RAB3GAP1: variants seen among roughly 807,000 people sequenced by gnomAD.
RAB3GAP1 encodes the protein RAB3 GTPase activating protein catalytic subunit 1.
In RAB3GAP1, 86 loss-of-function variants were observed where a neutral mutation model predicts 130.7. That is an observed-to-expected ratio of 0.66 (90% CI 0.55 to 0.79). The LOEUF is 0.79. Ranked by LOEUF, RAB3GAP1 falls within the 30% of genes least tolerant of loss-of-function variation. RAB3GAP1 has a pLI of 0.00. For missense variants in RAB3GAP1, 1,029 were observed against 1,169.4 expected, an observed-to-expected ratio of 0.88 and a Z score of 1.75; for synonymous variants, 367 against 401.7, an observed-to-expected ratio of 0.91 and a Z score of 1.03.
intron 8 of RAB3GAP1, among the ~76,000 whole-genome samples, chr2:135,123,281 C>T (rs1691255168): frequency 6.6e-6 from 1 of 152,118 alleles, no homozygotes; most frequent in Admixed American, 6.5e-5. Context: ...TTTACAAACT[C>T]ACTTGTAACA....
rs745502106 is a variant in RAB3GAP1 at position 135,163,073 on chromosome 2, CAGG to C, written c.2586_2588del (p.Glu863del). 6.2e-7 allele frequency: 1 copy of C among 1,613,526 alleles called. No homozygotes were observed. The highest frequency in any genetic ancestry group is 8.5e-7 in the Non-Finnish European group (1 of 1,179,526). Reference sequence around the variant, plus strand: ...CAAGTTTGGAACTGAGAAATGTGAACAGGAGGAGGAAAAGGAAGATCTTGAAAG... The same window carrying C: ...CAAGTTTGGAACTGAGAAATGTGAACAGGAGGAAAAGGAAGATCTTGAAAG... On this transcript the variant is annotated inframe_deletion, in exon 22 of 24. Coordinates refer to ENST00000264158, the MANE Select transcript of RAB3GAP1 (RefSeq NM_012233.3).
intron 3 of RAB3GAP1, among the ~76,000 whole-genome samples, chr2:135,072,354 A>G (rs2104843937): frequency 6.6e-6 from 1 of 152,224 alleles, no homozygotes; most frequent in East Asian, 1.9e-4. Flanking sequence ...TTGCAGTATC[A>G]TTTGTAGGTG....
intron 2 of RAB3GAP1, among the ~76,000 whole-genome samples, chr2:135,057,081 T>C (rs968626800): frequency 6.6e-6 from 1 of 152,204 alleles, no homozygotes; most frequent in East Asian, 1.9e-4. Context: ...TTGACAGTTT[T>C]CATTTACTGA....
chr2:135,135,491 T>C, intron 16 of RAB3GAP1, 73 bp from the exon 17 acceptor site: 1 of 1,487,886 alleles, frequency 6.7e-7, no homozygotes, highest in South Asian at 1.2e-5. Context: ...GAAAATTAAA[T>C]ATTCAAGCAG....
At chr2:135,067,082 T>C (rs1048094231) in intron 3 of RAB3GAP1, among the ~76,000 whole-genome samples, 7 of 152,226 alleles carry the variant, frequency 4.6e-5, no homozygotes, top group Non-Finnish European at 1.0e-4. Flanking sequence ...AATTAGAAAC[T>C]TCCCAAACTA....
rs914111574 is a variant in RAB3GAP1 at position 135,170,179 on chromosome 2, G to T, written c.*1398G>T. 1 of 151,682 alleles carries T rather than the reference G, an allele frequency of 6.6e-6. No individual in the cohort carries two copies. The highest frequency in any genetic ancestry group is 6.6e-5 in the Admixed American group (1 of 15,224). The allele number at this position is 151,682 out of a possible 1,614,324, so 9.4% of individuals were successfully genotyped here. The stretch of plus-strand genomic sequence containing the variant: ...GCCAGTGCTGTACCAAGTAGAAGAC[G>T]GTTCCTAAGGACAGAGTTTGTCTGT... On this transcript the variant is annotated 3_prime_UTR_variant, in exon 24 of 24. Coordinates refer to ENST00000264158, the MANE Select transcript of RAB3GAP1 (RefSeq NM_012233.3).
At chr2:135,057,710 C>T (rs1689052665) in intron 2 of RAB3GAP1, among the ~76,000 whole-genome samples, 1 of 152,050 alleles carries the variant, frequency 6.6e-6, no homozygotes, top group South Asian at 2.1e-4. Flanking sequence ...TTATTTGTGC[C>T]CCAAATTTGT....
At chr2:135,125,699 T>C (rs1268549117) in intron 9 of RAB3GAP1, among the ~76,000 whole-genome samples, 3 of 152,132 alleles carry the variant, frequency 2.0e-5, no homozygotes, top group African/African-American at 7.2e-5. Context: ...GACAAAGGGA[T>C]GATTCACCTA....
Position 135,168,982 on chromosome 2 carries a change from T to C in RAB3GAP1, c.*201T>C, listed in dbSNP as rs78044288. The C allele has an allele frequency of 6.7e-5, 38 of 570,212 alleles. No individual in the cohort carries two copies. The Admixed American group carries it at 1.1e-3, about 16-fold the overall frequency. 35.3% of individuals were successfully genotyped at this position (570,212 alleles called of 1,614,324 possible). ...GTGGAGGGGGCAGCGAGGATGGGCTTGAGCTGTTGAGAGATTTCTGCCCTA... is the reference window on the plus strand; with the variant it reads ...GTGGAGGGGGCAGCGAGGATGGGCTCGAGCTGTTGAGAGATTTCTGCCCTA... On this transcript the variant is annotated 3_prime_UTR_variant, in exon 24 of 24. Transcript: ENST00000264158.
Position 135,062,261 on chromosome 2 carries a change from A to G in RAB3GAP1, c.150+4175A>G, listed in dbSNP as rs139530887. Among the ~76,000 whole-genome samples the G allele has an allele frequency of 9.1e-4, 139 of 152,314 alleles. 1 individual carries two copies. In the South Asian group the frequency reaches 0.011, roughly 12 times the overall value. ...TTTCAGGTTTCCTAACCTTGGCACT[A>G]TTGACATTTTGGGCCACATTGTTGT... On this transcript the variant is annotated intron_variant, in intron 3 of 23. Transcript: ENST00000264158.
intron 3 of RAB3GAP1, among the ~76,000 whole-genome samples, chr2:135,064,477 C>A (rs1037029707): frequency 2.6e-5 from 4 of 152,054 alleles, no homozygotes; most frequent in African/African-American, 9.7e-5. Context: ...AGCCTACCTG[C>A]TGTATTTTTC....
At chr2:135,056,984 T>C (rs1165693924) in intron 2 of RAB3GAP1, among the ~76,000 whole-genome samples, 2 of 152,248 alleles carry the variant, frequency 1.3e-5, no homozygotes, top group Non-Finnish European at 2.9e-5. Context: ...GAGAGCAATG[T>C]TGCTGTTAGA....
At chr2:135,136,844 CCA>C in intron 17 of RAB3GAP1, 2 of 437,050 alleles carry the variant, frequency 4.6e-6, no homozygotes, top group Non-Finnish European at 7.2e-6. Context: ...CCTGCAAGCC[CCA>C]CACCAAGGTG....
chr2:135,153,757 G>A lies in RAB3GAP1; in HGVS notation c.2170G>A (p.Glu724Lys). 6.2e-7 allele frequency: 1 copy of A among 1,614,078 alleles called. No homozygotes were observed. Among genetic ancestry groups the A allele is most frequent in the Non-Finnish European group, 8.5e-7 (1 of 1,179,944 alleles). ...AAAGGGCAATGTGGTGCTGAAAGGA[G>A]AACTGAGTGCCCGGATGAAGATTCC... Reference protein sequence around the residue: ...DEKGNVVLKGELSARMKIPSN... With the variant: ...DEKGNVVLKGKLSARMKIPSN... The change falls in exon 19 of 24, where the codon GAA becomes AAA. Residue 724 changes from glutamate to lysine, a missense_variant. Transcript: ENST00000264158.
chr2:135,088,904 T>G (rs1047331910), intron 3 of RAB3GAP1, among the ~76,000 whole-genome samples: 13 of 152,144 alleles, frequency 8.5e-5, no homozygotes. Context: ...GCAGAAGCTC[T>G]TTAGTTTAAT....
chr2:135,071,398 G>T (rs1059031), intron 3 of RAB3GAP1, among the ~76,000 whole-genome samples: 13 of 152,150 alleles, frequency 8.5e-5, no homozygotes, highest in African/African-American at 3.1e-4. Context: ...AAAATAGTTT[G>T]GTTTCATATT....
At chr2:135,080,855 A>T (rs1432652127) in intron 3 of RAB3GAP1, among the ~76,000 whole-genome samples, 3 of 152,130 alleles carry the variant, frequency 2.0e-5, no homozygotes, top group Non-Finnish European at 4.4e-5. Context: ...CTGAGCCTCG[A>T]TATCATTCCT....
downstream of RAB3GAP1, among the ~76,000 whole-genome samples, chr2:135,171,267 G>C (rs78627589): frequency 1.3e-5 from 2 of 152,096 alleles, no homozygotes; most frequent in Non-Finnish European, 2.9e-5. Context: ...GGGGGAAGCC[G>C]CAGCTACAAG....
In RAB3GAP1 at chr2:135,115,232, G is replaced by A. The variant is rs747737113; in HGVS notation, c.499G>A (p.Val167Met). 3.1e-6 allele frequency: 5 copies of A among 1,611,080 alleles called. No homozygotes were observed. The highest frequency in any genetic ancestry group is 3.3e-5 in the Admixed American group (2 of 60,012). ...GTCTTGCAGTCAGGTGCCACTCTTT[G>A]TGCAAATTCACCACAAATGGCGAAG... ...GNTGCQVPLF[V>M]QIHHKWRRMY... Residue 167 changes from valine to methionine, a missense_variant, in exon 7 of 24, where the codon GTG becomes ATG. Coordinates refer to ENST00000264158, the MANE Select transcript of RAB3GAP1 (RefSeq NM_012233.3).
Sources: gnomAD v4.1 joint callset for allele counts (sites outside exome capture counted in the v4.1 genomes callset) on GRCh38, gnomAD v4.1.1 for gene constraint, MANE v1.5 for transcripts, NCBI Gene and HGNC (gene_info 2026-07-23, HGNC 2026-07-21) for gene names.